The following TENM3 variants were observed in gnomAD, a reference collection of about 807,000 sequenced individuals.
TENM3 encodes teneurin-3.
A neutral mutation model predicts 255.1 loss-of-function variants in TENM3; 63 were observed. The ratio of observed to expected loss-of-function variants is 0.25; its 90% CI spans 0.20 to 0.30. The LOEUF (loss-of-function observed/expected upper bound fraction) is 0.30, where lower values mean the gene tolerates loss of function less well. TENM3 is among the 10% of genes least tolerant of loss of function. The pLI, the probability that TENM3 is intolerant of heterozygous loss-of-function variation, is 1.00. For synonymous variants in TENM3, 1,306 were observed against 1,322.3 expected, an observed-to-expected ratio of 0.99 and a Z score of 0.27; for missense variants, 2,929 against 3,461.1, an observed-to-expected ratio of 0.85 and a Z score of 3.86.
At chr4:182,709,075 C>T (rs1758540905) in intron 12 of TENM3, among the ~76,000 whole-genome samples, 1 of 152,020 alleles carries the variant, frequency 6.6e-6, no homozygotes, top group South Asian at 2.1e-4. Flanking sequence ...CTCTGCCTAA[C>T]AGGTTCAAGC....
chr4:181,633,759 G>A, the TENM3 span, among the ~76,000 whole-genome samples: 1 of 152,114 alleles, frequency 6.6e-6, no homozygotes, highest in Non-Finnish European at 1.5e-5. Flanking sequence ...ATGGGTTTTG[G>A]GAATTTATGC....
the TENM3 span, among the ~76,000 whole-genome samples, chr4:181,911,874 A>G: frequency 6.6e-6 from 1 of 152,252 alleles, no homozygotes; most frequent in Non-Finnish European, 1.5e-5. Flanking sequence ...ATTAAAATAC[A>G]CAAATAACAT....
At chr4:182,592,578 C>G (rs1463970752) in intron 3 of TENM3, among the ~76,000 whole-genome samples, 2 of 152,098 alleles carry the variant, frequency 1.3e-5, no homozygotes, top group Non-Finnish European at 2.9e-5. Context: ...ATAAAAAATT[C>G]ACTGGGCGTG....
intron 1 of TENM3, among the ~76,000 whole-genome samples, chr4:182,263,617 C>A (rs116379195): frequency 0.012 from 1,837 of 152,212 alleles, 37 homozygotes; most frequent in African/African-American, 0.042. Flanking sequence ...CACGACAGCA[C>A]CCTCAGCCGC....
the TENM3 span, among the ~76,000 whole-genome samples, chr4:181,921,527 T>G: frequency 1.3e-5 from 2 of 152,200 alleles, no homozygotes; most frequent in Non-Finnish European, 2.9e-5. Context: ...ATGATTTGGC[T>G]CTCTGTTTGT....
At chr4:181,947,350 G>A in the TENM3 span, among the ~76,000 whole-genome samples, 20 of 152,260 alleles carry the variant, frequency 1.3e-4, no homozygotes, top group Non-Finnish European at 2.6e-4. Flanking sequence ...AGAAAAGACA[G>A]ATTTATTGTT....
intron 3 of TENM3, among the ~76,000 whole-genome samples, chr4:182,454,281 T>C (rs1032206453): frequency 4.6e-5 from 7 of 152,206 alleles, no homozygotes; most frequent in Non-Finnish European, 7.3e-5. Context: ...TATTATTTCC[T>C]CTGATTGTAG....
At chr4:182,706,798 C>T (rs1465511861) in intron 12 of TENM3, among the ~76,000 whole-genome samples, 1 of 151,928 alleles carries the variant, frequency 6.6e-6, no homozygotes, top group Non-Finnish European at 1.5e-5. Context: ...TCCGTCTCTA[C>T]AAAAATTAGC....
chr4:182,278,316 G>T (rs77831933), intron 1 of TENM3, among the ~76,000 whole-genome samples: 1 of 151,938 alleles, frequency 6.6e-6, no homozygotes, highest in Non-Finnish European at 1.5e-5. Context: ...GCGGTGAGCC[G>T]AGGTCTAGTC....
chr4:182,072,517 C>G, the TENM3 span, among the ~76,000 whole-genome samples: 1 of 152,120 alleles, frequency 6.6e-6, no homozygotes, highest in Non-Finnish European at 1.5e-5. Flanking sequence ...ATTCTTGAAA[C>G]CAAATAAATT....
intron 3 of TENM3, among the ~76,000 whole-genome samples, chr4:182,379,132 C>T (rs755236427): frequency 1.3e-5 from 2 of 152,172 alleles, no homozygotes; most frequent in Non-Finnish European, 2.9e-5. Flanking sequence ...AATCCCAGCA[C>T]TTTGGGAGGC....
intron 13 of TENM3, among the ~76,000 whole-genome samples, chr4:182,727,620 G>C (rs1760323251): frequency 6.6e-6 from 1 of 152,042 alleles, no homozygotes; most frequent in South Asian, 2.1e-4. Flanking sequence ...GTTTCCTTCT[G>C]ATGCTCCTGG....
At chr4:181,737,175 A>G in the TENM3 span, among the ~76,000 whole-genome samples, 10 of 152,164 alleles carry the variant, frequency 6.6e-5, no homozygotes, top group Non-Finnish European at 1.5e-4. Flanking sequence ...AAAGTCTAGT[A>G]CAGATATATT....
chr4:182,019,492 G>A, the TENM3 span, among the ~76,000 whole-genome samples: 1 of 152,166 alleles, frequency 6.6e-6, no homozygotes, highest in African/African-American at 2.4e-5. Context: ...TCAACACAGA[G>A]ACCAATTCTC....
chr4:181,699,202 C>A, the TENM3 span, among the ~76,000 whole-genome samples: 1 of 151,910 alleles, frequency 6.6e-6, no homozygotes, highest in South Asian at 2.1e-4. Context: ...AAGCTGAGAC[C>A]AGAGGATTGC....
intron 4 of TENM3, among the ~76,000 whole-genome samples, chr4:182,620,608 C>T (rs1001589991): frequency 6.6e-6 from 1 of 152,322 alleles, no homozygotes; most frequent in African/African-American, 2.4e-5. Flanking sequence ...CACAAAATGA[C>T]ACCATTTGTT....
At chr4:181,888,524 A>G in the TENM3 span, among the ~76,000 whole-genome samples, 27 of 91,564 alleles carry the variant, frequency 2.9e-4, no homozygotes, top group African/African-American at 1.3e-3. Flanking sequence ...ATGTATATAT[A>G]TACATATATG....
At chr4:181,861,447 T>A in the TENM3 span, among the ~76,000 whole-genome samples, 1 of 152,300 alleles carries the variant, frequency 6.6e-6, no homozygotes, top group East Asian at 1.9e-4. Context: ...TTGAAAAATA[T>A]AAGGATCTCA....
At chr4:182,759,324 C>CT (rs1762958444) in intron 22 of TENM3, among the ~76,000 whole-genome samples, 1 of 152,186 alleles carries the variant, frequency 6.6e-6, no homozygotes, top group Admixed American at 6.5e-5. Flanking sequence ...GAGATGTAGA[C>CT]AGGTCAGTGT....
Sources: allele counts gnomAD v4.1 joint callset (sites outside exome capture counted in the v4.1 genomes callset), GRCh38; gene constraint gnomAD v4.1.1; transcripts MANE v1.5; gene names NCBI Gene and HGNC (gene_info 2026-07-23, HGNC 2026-07-21).